The following NSUN6 variants were observed in gnomAD, a reference collection of about 807,000 sequenced individuals.
NSUN6 encodes NOP2/Sun RNA methyltransferase 6, also known as tRNA (cytosine(72)-C(5))-methyltransferase NSUN6.
A neutral mutation model predicts 58.0 loss-of-function variants in NSUN6; 64 were observed. The ratio of observed to expected loss-of-function variants is 1.10; its 90% CI spans 0.90 to 1.36. The LOEUF (loss-of-function observed/expected upper bound fraction) is 1.36. Ranked by LOEUF, NSUN6 falls within the 40% of genes most tolerant of loss-of-function variation. The pLI, the probability that NSUN6 is intolerant of heterozygous loss-of-function variation, is 0.00. For missense variants in NSUN6, 701 were observed against 550.1 expected (o/e 1.27, Z -2.74); for synonymous variants, 231 against 193.9 (o/e 1.19, Z -1.59).
At chr10:18,655,785 G>A (rs1367837043), upstream of NSUN6, among the ~76,000 whole-genome samples, 1 of 152,112 alleles carries the variant, frequency 6.6e-6, no homozygotes, top group Non-Finnish European at 1.5e-5. Context: ...CTGAGCAGCC[G>A]AGCCCCTAAA....
At chr10:18,578,297 C>T (rs2056757426) in intron 8 of NSUN6, among the ~76,000 whole-genome samples, 1 of 148,042 alleles carries the variant, frequency 6.8e-6, no homozygotes, top group African/African-American at 2.5e-5. Context: ...GCCGTGGCAC[C>T]ATCTCGGCTC....
At chr10:18,571,377 CTCCAT>C (rs1477391031) in intron 8 of NSUN6, among the ~76,000 whole-genome samples, 2 of 150,740 alleles carry the variant, frequency 1.3e-5, no homozygotes, top group African/African-American at 2.4e-5. Context: ...CCAGTTCAAT[CTCCAT>C]TCCATTCCAT....
At chr10:18,630,290 C>G (rs2058980717) in intron 3 of NSUN6, among the ~76,000 whole-genome samples, 1 of 149,320 alleles carries the variant, frequency 6.7e-6, no homozygotes. Context: ...TAAATGCCCA[C>G]AAGAGAAAGC....
chr10:18,656,279 G>C (rs143795129), upstream of NSUN6, among the ~76,000 whole-genome samples: 305 of 152,200 alleles, frequency 2.0e-3, 4 homozygotes, highest in South Asian at 0.033. Flanking sequence ...GTTAAAAAAT[G>C]GTGGCTTCCA....
At chr10:18,644,870 C>A (rs1323724518) in intron 2 of NSUN6, among the ~76,000 whole-genome samples, 1 of 136,572 alleles carries the variant, frequency 7.3e-6, no homozygotes, top group African/African-American at 2.7e-5. Context: ...AAACTGAAAA[C>A]GTGTAGGTCA....
chr10:18,551,233 G>T (rs1349444751), intron 9 of NSUN6, among the ~76,000 whole-genome samples: 1 of 116,740 alleles, frequency 8.6e-6, no homozygotes, highest in Non-Finnish European at 1.8e-5. Flanking sequence ...TTTAAAACTA[G>T]GTCCTCTCAG....
chr10:18,637,645 G>C (rs1325127924), intron 3 of NSUN6, among the ~76,000 whole-genome samples: 1 of 152,158 alleles, frequency 6.6e-6, no homozygotes, highest in Non-Finnish European at 1.5e-5. Context: ...TTGTTCTGCA[G>C]ACATGCTTAT....
chr10:18,619,801 A>G (rs2058536930), intron 3 of NSUN6, among the ~76,000 whole-genome samples: 1 of 152,206 alleles, frequency 6.6e-6, no homozygotes, highest in Non-Finnish European at 1.5e-5. Flanking sequence ...GATGTAAGAA[A>G]CACACTTGAT....
chr10:18,564,801 A>T (rs1013413282), intron 8 of NSUN6, among the ~76,000 whole-genome samples: 1 of 145,908 alleles, frequency 6.9e-6, no homozygotes, highest in African/African-American at 2.6e-5. Flanking sequence ...TCCATTCTGC[A>T]TTCCATTCCA....
At chr10:18,622,072 A>G (rs938599412) in intron 3 of NSUN6, among the ~76,000 whole-genome samples, 27 of 152,234 alleles carry the variant, frequency 1.8e-4, no homozygotes, top group African/African-American at 6.5e-4. Flanking sequence ...ACACACACAC[A>G]CAAAAATTGA....
chr10:18,622,655 G>A (rs2058652529), intron 3 of NSUN6, among the ~76,000 whole-genome samples: 1 of 152,200 alleles, frequency 6.6e-6, no homozygotes, highest in Admixed American at 6.5e-5. Flanking sequence ...GTTGCAGTGA[G>A]CAGAGATCGT....
At chr10:18,634,801 A>G (rs1264632661) in intron 3 of NSUN6, among the ~76,000 whole-genome samples, 1 of 152,044 alleles carries the variant, frequency 6.6e-6, no homozygotes, top group Non-Finnish European at 1.5e-5. Flanking sequence ...AAACGAATGC[A>G]GAAGAAAAAG....
chr10:18,617,537 C>A (rs1017700032), intron 3 of NSUN6, among the ~76,000 whole-genome samples: 9 of 152,112 alleles, frequency 5.9e-5, no homozygotes, highest in African/African-American at 2.2e-4. Context: ...TATATAGAGA[C>A]GTCTCACAGT....
chr10:18,567,358 CCATTCCA>C (rs2056032755), intron 8 of NSUN6, among the ~76,000 whole-genome samples: 2 of 143,716 alleles, frequency 1.4e-5, no homozygotes, highest in African/African-American at 5.8e-5. Context: ...ATTCTCCATT[CCATTCCA>C]TATTCCATTT....
At chr10:18,653,802 C>T (rs1384132128), upstream of NSUN6, among the ~76,000 whole-genome samples, 1 of 152,152 alleles carries the variant, frequency 6.6e-6, no homozygotes, top group African/African-American at 2.4e-5. Context: ...TAGATATGTG[C>T]TATGTAAGCA....
chr10:18,596,410 G>A (rs185668857), intron 6 of NSUN6, 83 bp from the exon 7 acceptor site: 1 of 906,302 alleles, frequency 1.1e-6, no homozygotes, highest in East Asian at 2.5e-5. Context: ...AGAACCCTTT[G>A]GGGGTAATCC....
At chr10:18,652,569 CTTTT>C (rs532727978), upstream of NSUN6, 547 of 893,584 alleles carry the variant, frequency 6.1e-4, no homozygotes, top group Middle Eastern at 1.7e-3. Flanking sequence ...TTTCTCTGCT[CTTTT>C]TTTTTTTTTT....
upstream of NSUN6, among the ~76,000 whole-genome samples, chr10:18,656,988 A>C (rs762317771): frequency 2.6e-5 from 4 of 151,994 alleles, no homozygotes; most frequent in Non-Finnish European, 5.9e-5. Context: ...CACCATGTCC[A>C]GCTAACTTTT....
intron 6 of NSUN6, among the ~76,000 whole-genome samples, chr10:18,603,895 A>G (rs2131278006): frequency 6.6e-6 from 1 of 152,326 alleles, no homozygotes; most frequent in East Asian, 1.9e-4. Flanking sequence ...ACTTAAAAGC[A>G]TTAGACTGCC....
Sources: allele counts gnomAD v4.1 joint callset (sites outside exome capture counted in the v4.1 genomes callset), GRCh38; gene constraint gnomAD v4.1.1; transcripts MANE v1.5; gene names NCBI Gene and HGNC (gene_info 2026-07-23, HGNC 2026-07-21).